The following ABCB9 variants were observed in gnomAD, a reference collection of about 807,000 sequenced individuals.
ABCB9 encodes the protein ATP binding cassette subfamily B member 9, also known as ABC-type oligopeptide transporter ABCB9.
In ABCB9, 36 loss-of-function variants were observed where a neutral mutation model predicts 62.0. That is an observed-to-expected ratio of 0.58 (90% CI 0.45 to 0.77). The LOEUF (loss-of-function observed/expected upper bound fraction) is 0.77. ABCB9 is among the 30% of genes least tolerant of loss of function. The pLI, the probability that ABCB9 is intolerant of heterozygous loss-of-function variation, is 0.00. For synonymous variants in ABCB9, 435 were observed against 461.4 expected, an observed-to-expected ratio of 0.94 and a Z score of 0.73; for missense variants, 943 against 1,054.7, an observed-to-expected ratio of 0.89 and a Z score of 1.47.
In ABCB9 at chr12:122,973,577, AG is replaced by A. The variant is rs1181816124; in HGVS notation, c.-88+1137del. Among the ~76,000 whole-genome samples, 35 of 123,752 alleles carry A rather than the reference AG, an allele frequency of 2.8e-4. 1 individual carries two copies. Among genetic ancestry groups the A allele is most frequent in the African/African-American group, 6.3e-4 (18 of 28,446 alleles). 81.2% of individuals were successfully genotyped at this position (123,752 alleles called of 152,430 possible). On this transcript the variant is annotated intron_variant, in intron 1 of 11. Transcript: ENST00000392439. ...CAGAGCGAGACTCCGTCTCAAAAAA[AG>A]AAAAAAAAAAAAAAAAAAAAAAAAA... is the stretch of plus-strand genomic sequence containing the variant.
chr12:122,943,044 C>CCTGCGGG (rs1218357159), intron 7 of ABCB9, among the ~76,000 whole-genome samples: 3 of 152,168 alleles, frequency 2.0e-5, no homozygotes, highest in African/African-American at 7.2e-5. Flanking sequence ...TCTCTTACTG[C>CCTGCGGG]CTGCGGGCTG....
exon 1 of ABCB9, chr12:122,975,108 C>T (rs2135949636): frequency 3.9e-6 from 2 of 510,512 alleles, no homozygotes; most frequent in Non-Finnish European, 7.1e-6. Context: ...CTCCGCAGAC[C>T]GTTTCCTGGC....
Position 122,959,164 on chromosome 12 carries a change from C to T in ABCB9, c.601+471G>A, listed in dbSNP as rs1441920478. On this transcript the variant is annotated intron_variant, in intron 2 of 11. Coordinates refer to ENST00000280560, the MANE Select transcript of ABCB9 (RefSeq NM_019625.4). This position sits in a 1 kb window ranked among gnomAD's most constrained non-coding sequence, Gnocchi z 5.4. Reference sequence around the variant, plus strand: ...GTCAGGAGTTCAAGACCAGCCTGGCCAACATGGCGAAAACCTGTTTCTACT... The same window carrying T: ...GTCAGGAGTTCAAGACCAGCCTGGCTAACATGGCGAAAACCTGTTTCTACT... 3.3e-5 allele frequency among the ~76,000 whole-genome samples: 5 copies of T among 151,484 alleles called. No homozygotes were observed.
rs186347857 is a variant in ABCB9, at chr12:122,940,246, G to A, written c.1608C>T (p.Ala536=). 6.2e-6 allele frequency: 10 copies of A among 1,608,966 alleles called. No homozygotes were observed. In the East Asian group the frequency reaches 2.2e-4, roughly 36 times the overall value. The change falls in exon 9 of 12, where the codon GCC becomes GCT. Residue 536 remains alanine, a synonymous_variant. Coordinates refer to ENST00000280560, the MANE Select transcript of ABCB9 (RefSeq NM_019625.4). The surrounding 1 kb of genome is among the most constrained non-coding windows in gnomAD (Gnocchi z 4.8). ...TCCCACTGCCCGAGGGCCCCACCAG[G>A]GCCGTCACCTTGCCGGGGGACAGGC... ...SFSLSPGKVT[A]LVGPSGSGKS...
chr12:122,923,536 G>A (rs1238976037), intron 11 of ABCB9, among the ~76,000 whole-genome samples: 1 of 151,970 alleles, frequency 6.6e-6, no homozygotes, highest in Non-Finnish European at 1.5e-5. Flanking sequence ...TGATCCGCCC[G>A]CCTTGGCCTC....
chr12:122,924,894 A>G, downstream of ABCB9: 1 of 1,385,324 alleles, frequency 7.2e-7, no homozygotes, highest in Non-Finnish European at 9.9e-7. Flanking sequence ...ATAACTCTCC[A>G]CACCCACCAG....
rs397954994 is a variant in ABCB9 at position 122,930,412 on chromosome 12, CT to C, written c.2041-242del. Among the ~76,000 whole-genome samples the C allele has an allele frequency of 0.018, 2,423 of 136,628 alleles. 46 individuals carry two copies. Among genetic ancestry groups the C allele is most frequent in the African/African-American group, 0.044 (1,580 of 35,750 alleles). 89.6% of individuals were successfully genotyped at this position (136,628 alleles called of 152,430 possible). On this transcript the variant is annotated intron_variant, in intron 11 of 11. Transcript: ENST00000280560. This position sits in a 1 kb window ranked among gnomAD's most constrained non-coding sequence, Gnocchi z 4.9. ...TCTTCTGGTCCTTCCCTTCCCCCTCCTTTTTTTTTTTTTTTTTTTTTAAGTC... is the reference window on the plus strand; with the variant it reads ...TCTTCTGGTCCTTCCCTTCCCCCTCCTTTTTTTTTTTTTTTTTTTTAAGTC...
intron 9 of ABCB9, among the ~76,000 whole-genome samples, chr12:122,939,081 A>G (rs1377577489): frequency 6.6e-6 from 1 of 152,040 alleles, no homozygotes; most frequent in East Asian, 1.9e-4. Context: ...CTGAGATAGG[A>G]GAATAGCTTG....
chr12:122,964,333 G>T lies in ABCB9; in HGVS notation c.-88+1954C>A, dbSNP rs2037063095. On this transcript the variant is annotated intron_variant, in intron 1 of 11. Coordinates refer to ENST00000280560, the MANE Select transcript of ABCB9 (RefSeq NM_019625.4). The surrounding 1 kb of genome is among the most constrained non-coding windows in gnomAD (Gnocchi z 4.7). ...TCCAGAAGCCTATTTATCTTCATCAGAATAAACAAAATTTCAAACACTCAT... is the reference window on the plus strand; with the variant it reads ...TCCAGAAGCCTATTTATCTTCATCATAATAAACAAAATTTCAAACACTCAT... 6.6e-6 allele frequency among the ~76,000 whole-genome samples: 1 copy of T among 152,172 alleles called. No individual in the cohort carries two copies.
At chr12:122,922,089 C>CCA (rs1358649794) in intron 11 of ABCB9, among the ~76,000 whole-genome samples, 1 of 152,072 alleles carries the variant, frequency 6.6e-6, no homozygotes, top group Non-Finnish European at 1.5e-5. Flanking sequence ...CACTGGCTTG[C>CCA]TGTTGGGTGG....
upstream of ABCB9, among the ~76,000 whole-genome samples, chr12:122,969,370 CTG>C (rs1313582780): frequency 6.6e-6 from 1 of 152,206 alleles, no homozygotes; most frequent in Non-Finnish European, 1.5e-5. Flanking sequence ...TTGCACAACT[CTG>C]TGAATATACT....
chr12:122,943,337 C>T (rs956414657), intron 7 of ABCB9, among the ~76,000 whole-genome samples: 1 of 152,162 alleles, frequency 6.6e-6, no homozygotes, highest in African/African-American at 2.4e-5. Context: ...CAAACAAATC[C>T]GTTGCACGCC....
At chr12:122,953,247 C>CT (rs1189045536) in intron 2 of ABCB9, among the ~76,000 whole-genome samples, 10 of 150,698 alleles carry the variant, frequency 6.6e-5, no homozygotes, top group African/African-American at 2.4e-4. Flanking sequence ...GAGTCTCAGT[C>CT]TGTTACCCAG....
downstream of ABCB9, among the ~76,000 whole-genome samples, chr12:122,919,901 A>G (rs867056685): frequency 5.7e-4 from 85 of 148,226 alleles, no homozygotes; most frequent in African/African-American, 2.0e-3. Flanking sequence ...TTATTTATTT[A>G]TTTATTTATT....
Position 122,932,828 on chromosome 12 carries a change from C to A in ABCB9, c.1904-500G>T, listed in dbSNP as rs555489014. 1.3e-5 allele frequency among the ~76,000 whole-genome samples: 2 copies of A among 152,282 alleles called. No individual in the cohort carries two copies. Among genetic ancestry groups the A allele is most frequent in the Admixed American group, 6.5e-5 (1 of 15,286 alleles). ...GACACAGGTCACCTGTGACCCACAG[C>A]GCTGTTATTGCAAAAAATAAAACAA... On this transcript the variant is annotated intron_variant, in intron 10 of 11. Transcript: ENST00000280560. This position sits in a 1 kb window ranked among gnomAD's most constrained non-coding sequence, Gnocchi z 4.7.
downstream of ABCB9, among the ~76,000 whole-genome samples, chr12:122,928,491 A>C (rs536429756): frequency 5.3e-4 from 80 of 151,950 alleles, no homozygotes; most frequent in Admixed American, 4.5e-3. Context: ...AAAAATTGAA[A>C]TACTACTCTA....
chr12:122,942,115 A>G (rs961751451), intron 7 of ABCB9, among the ~76,000 whole-genome samples: 1 of 152,100 alleles, frequency 6.6e-6, no homozygotes, highest in Non-Finnish European at 1.5e-5. Flanking sequence ...GGCTCAAGTA[A>G]CTTGGCCCAG....
At chr12:122,950,587 C>T (rs1375004617) in intron 2 of ABCB9, 22 bp from the exon 3 acceptor site, 1 of 1,596,706 alleles carries the variant, frequency 6.3e-7, no homozygotes, top group Non-Finnish European at 8.5e-7. Flanking sequence ...AGGGCAGCCT[C>T]AGGGACGTCT....
intron 6 of ABCB9, among the ~76,000 whole-genome samples, chr12:122,945,565 AGGGGC>A (rs1460667789): frequency 7.9e-5 from 12 of 152,098 alleles, no homozygotes; most frequent in African/African-American, 2.9e-4. Flanking sequence ...TGACTGGGAG[AGGGGC>A]AGCCTTGCTT....
Sources: allele counts gnomAD v4.1 joint callset (sites outside exome capture counted in the v4.1 genomes callset), GRCh38; gene constraint gnomAD v4.1.1; non-coding constraint Gnocchi (gnomAD v3.1); transcripts MANE v1.5; gene names NCBI Gene and HGNC (gene_info 2026-07-23, HGNC 2026-07-21).